The following DRC4 variants were observed in gnomAD, a reference collection of about 807,000 sequenced individuals.
DRC4 encodes dynein regulatory complex subunit 4, also known as GAS-11.
the DRC4 span, among the ~76,000 whole-genome samples, chr16:90,034,823 A>T: frequency 6.6e-6 from 1 of 151,120 alleles, no homozygotes; most frequent in Non-Finnish European, 1.5e-5. Flanking sequence ...TTCTAGTCTC[A>T]AGTGATCCTT....
the DRC4 span, among the ~76,000 whole-genome samples, chr16:90,020,439 G>C: frequency 6.6e-6 from 1 of 152,344 alleles, no homozygotes; most frequent in South Asian, 2.1e-4. Flanking sequence ...TGGGTGGCAG[G>C]AAGCATCAGA....
the DRC4 span, among the ~76,000 whole-genome samples, chr16:90,032,382 ACGGG>A: frequency 1.3e-5 from 2 of 148,284 alleles, no homozygotes; most frequent in African/African-American, 2.5e-5. Context: ...CCAGGTGTGT[ACGGG>A]TACGGACAGG....
chr16:90,042,585 C>T, the DRC4 span: 3 of 1,504,546 alleles, frequency 2.0e-6, no homozygotes, highest in South Asian at 3.4e-5. Context: ...GGTGCCCAGA[C>T]TGTTCTAAAT....
At chr16:90,036,348 T>C in the DRC4 span, 1 of 1,562,692 alleles carries the variant, frequency 6.4e-7, no homozygotes, top group Non-Finnish European at 8.7e-7. Context: ...CACGTCTTCC[T>C]CTGCTAAGCT....
the DRC4 span, among the ~76,000 whole-genome samples, chr16:90,038,111 C>T: frequency 6.6e-6 from 1 of 152,244 alleles, no homozygotes; most frequent in East Asian, 1.9e-4. Flanking sequence ...GTTCTGCATG[C>T]ATATTCTGCA....
chr16:90,041,191 G>A, the DRC4 span, among the ~76,000 whole-genome samples: 1 of 152,244 alleles, frequency 6.6e-6, no homozygotes, highest in East Asian at 1.9e-4. Context: ...CATTGCAGCT[G>A]CGCCCACGCG....
At chr16:90,026,551 A>G in the DRC4 span, among the ~76,000 whole-genome samples, 1 of 152,154 alleles carries the variant, frequency 6.6e-6, no homozygotes, top group Non-Finnish European at 1.5e-5. Context: ...GGTCTTTTCC[A>G]TGGTGGTCAC....
the DRC4 span, chr16:90,037,146 G>A: frequency 1.1e-5 from 15 of 1,400,016 alleles, no homozygotes; most frequent in Non-Finnish European, 1.3e-5. Flanking sequence ...TGATGGGCAG[G>A]AGAGCACCCA....
At chr16:90,037,395 T>G in the DRC4 span, 2 of 1,610,532 alleles carry the variant, frequency 1.2e-6, no homozygotes, top group African/African-American at 1.3e-5. Context: ...AAGCAGATCC[T>G]GCTTGTGAGT....
At chr16:90,029,243 G>T in the DRC4 span, 2 of 1,210,268 alleles carry the variant, frequency 1.7e-6, no homozygotes, top group African/African-American at 3.7e-5. Context: ...CACATCGCAC[G>T]TTGAGCCACA....
the DRC4 span, chr16:90,027,563 C>G: frequency 2.7e-6 from 4 of 1,491,036 alleles, no homozygotes; most frequent in Non-Finnish European, 2.8e-6. Flanking sequence ...CCAAATGTTC[C>G]TGGGAGCAAA....
At chr16:90,030,981 G>A in the DRC4 span, among the ~76,000 whole-genome samples, 4 of 152,088 alleles carry the variant, frequency 2.6e-5, no homozygotes, top group African/African-American at 7.2e-5. Flanking sequence ...TTGTAATAAT[G>A]GTGTGGGTAA....
chr16:90,037,113 T>C, the DRC4 span: 1 of 981,666 alleles, frequency 1.0e-6, no homozygotes. Flanking sequence ...GGTGCCAGCA[T>C]GCCTGAGGCT....
chr16:90,041,861 G>A, the DRC4 span, among the ~76,000 whole-genome samples: 1 of 152,210 alleles, frequency 6.6e-6, no homozygotes, highest in Non-Finnish European at 1.5e-5. Context: ...TGTAGGTGGT[G>A]TTTAGTGACC....
At chr16:90,044,369 G>T in the DRC4 span, 1 of 412,258 alleles carries the variant, frequency 2.4e-6, no homozygotes. Flanking sequence ...CTCAAAGCAA[G>T]TGAGCTCACC....
the DRC4 span, chr16:90,044,724 T>C: frequency 2.4e-6 from 1 of 416,218 alleles, no homozygotes; most frequent in Non-Finnish European, 5.0e-6. Flanking sequence ...CCCTGCCACC[T>C]GTCAGACTTG....
chr16:90,028,260 C>G, the DRC4 span, among the ~76,000 whole-genome samples: 4 of 135,908 alleles, frequency 2.9e-5, no homozygotes, highest in Non-Finnish European at 4.6e-5. Flanking sequence ...TCTCGGCTCA[C>G]TGTGAGCTCC....
At chr16:90,043,429 T>C in the DRC4 span, 2 of 1,303,956 alleles carry the variant, frequency 1.5e-6, no homozygotes, top group African/African-American at 3.0e-5. Context: ...GGACAGCAAG[T>C]TTTTTAGATT....
the DRC4 span, chr16:90,031,371 G>A: frequency 6.2e-7 from 1 of 1,613,802 alleles, no homozygotes; most frequent in Non-Finnish European, 8.5e-7. Context: ...CTTCCAGCTG[G>A]AGCGGGACAA....
Sources: gnomAD v4.1 joint callset for allele counts (sites outside exome capture counted in the v4.1 genomes callset) on GRCh38, gnomAD v4.1.1 for gene constraint, MANE v1.5 for transcripts, NCBI Gene and HGNC (gene_info 2026-07-23, HGNC 2026-07-21) for gene names.